The following PDP1 variants were observed in gnomAD, a reference collection of about 807,000 sequenced individuals.
PDP1 encodes pyruvate dehydrogenase phosphatase catalytic subunit 1.
A neutral mutation model predicts 37.1 loss-of-function variants in PDP1; 14 were observed. That is an observed-to-expected ratio of 0.38 (90% CI 0.25 to 0.59). PDP1 has a LOEUF of 0.59. PDP1 is among the 20% of genes least tolerant of loss of function. The probability of loss-of-function intolerance (pLI) is 0.67; values close to 1 mark genes in which losing one functional copy is unlikely to be tolerated. For missense variants in PDP1, 544 were observed against 655.3 expected (o/e 0.83, Z 1.85); for synonymous variants, 251 against 243.3 (o/e 1.03, Z -0.29).
At position 93,925,616 on chromosome 8, in the gene PDP1, TC is replaced by T. The variant is rs1810411459; in HGVS notation, c.*1944del. On this transcript the variant is annotated 3_prime_UTR_variant, in exon 2 of 2. Coordinates refer to ENST00000297598, the MANE Select transcript of PDP1 (RefSeq NM_018444.4). ...TAGTATTATTACACAAGAAACTTGG[TC>T]TGCAGTCTGGAAGCTTGTCTGCTCT... The T allele has an allele frequency of 2.4e-5, 4 of 167,054 alleles. No homozygotes were observed. The Admixed American group carries it at 2.6e-4, about 11-fold the overall frequency. The allele number at this position is 167,054 out of a possible 1,614,324, so 10.3% of individuals were successfully genotyped here.
chr8:93,919,062 A>T, intron 1 of PDP1: 5 of 574,844 alleles, frequency 8.7e-6, no homozygotes, highest in Non-Finnish European at 1.1e-5. Context: ...AGTCAATAAA[A>T]TTCACTCTCT....
In PDP1 at chr8:93,922,554, C is replaced by T; in HGVS notation, c.495C>T (p.Val165=). The change falls in exon 2 of 2, where the codon GTC becomes GTT. Residue 165 remains valine, a synonymous_variant. Transcript: ENST00000297598. The surrounding 1 kb of genome is among the most constrained non-coding windows in gnomAD (Gnocchi z 4.0). ...VSERLFYYIA[V]SLLPHETLLE... is the part of the protein sequence containing the mutation. ...AAAGACTCTTTTATTATATTGCTGT[C>T]TCTTTGTTACCCCATGAGACTTTGC... 1.2e-6 allele frequency: 2 copies of T among 1,613,966 alleles called. No individual in the cohort carries two copies. The highest frequency in any genetic ancestry group is 1.1e-5 in the South Asian group (1 of 91,076).
chr8:93,919,057 A>G (rs1032962122), intron 1 of PDP1: 14 of 553,892 alleles, frequency 2.5e-5, no homozygotes, highest in Admixed American at 1.9e-4. Flanking sequence ...GATAGAGTCA[A>G]TAAAATTCAC....
Position 93,923,563 on chromosome 8 carries a change from A to G in PDP1, c.1504A>G (p.Lys502Glu), listed in dbSNP as rs1034983010. ...GACTGTTGATCATGAGCGCCTCTCT[A>G]AAATGCTTAGTCTTCCTGAAGAGCT... ...FGTVDHERLS[K>E]MLSLPEELAR... Residue 502 changes from lysine (K) to glutamate (E), a missense_variant, in exon 2 of 2, where the codon AAA becomes GAA. Coordinates refer to ENST00000297598, the MANE Select transcript of PDP1 (RefSeq NM_018444.4). The surrounding 1 kb of genome is among the most constrained non-coding windows in gnomAD (Gnocchi z 4.3). 35 of 1,613,218 alleles carry G rather than the reference A, an allele frequency of 2.2e-5. No individual in the cohort carries two copies. Among genetic ancestry groups the G allele is most frequent in the Non-Finnish European group, 2.8e-5 (33 of 1,179,284 alleles).
In PDP1 at chr8:93,923,305, G is replaced by A. The variant is rs1810341326; in HGVS notation, c.1246G>A (p.Ala416Thr). ...GCCACAGGATAAGTTTCTGGTGTTG[G>A]CTACTGATGGGTTGTGGGAGACTAT... ...LRPQDKFLVL[A>T]TDGLWETMHR... The change falls in exon 2 of 2, where the codon GCT becomes ACT. Residue 416 changes from alanine to threonine, a missense_variant. Physicochemically the swap from Ala to Thr is moderately conservative, Grantham distance 58. Coordinates refer to ENST00000297598, the MANE Select transcript of PDP1 (RefSeq NM_018444.4). This position sits in a 1 kb window ranked among gnomAD's most constrained non-coding sequence, Gnocchi z 4.3. 1 of 1,614,034 alleles carries A rather than the reference G, an allele frequency of 6.2e-7. No homozygotes were observed. Among genetic ancestry groups the A allele is most frequent in the Non-Finnish European group, 8.5e-7 (1 of 1,180,018 alleles).
chr8:93,923,517 T>A lies in PDP1; in HGVS notation c.1458T>A (p.Ala486=). The part of the protein sequence containing the change: ...QNAATHLIRH[A]VGNNEFGTVD... ...CAGCAACCCATCTCATTCGCCACGC[T>A]GTGGGCAACAACGAGTTTGGGACTG... is the stretch of plus-strand genomic sequence containing the variant. Residue 486 remains alanine (A), a synonymous_variant, in exon 2 of 2, where the codon GCT becomes GCA. Coordinates refer to ENST00000297598, the MANE Select transcript of PDP1 (RefSeq NM_018444.4). This position sits in a 1 kb window ranked among gnomAD's most constrained non-coding sequence, Gnocchi z 4.3. 6.2e-7 allele frequency: 1 copy of A among 1,607,606 alleles called. No homozygotes were observed. The highest frequency in any genetic ancestry group is 8.5e-7 in the Non-Finnish European group (1 of 1,174,388).
intron 1 of PDP1, chr8:93,917,788 C>T: frequency 6.3e-7 from 1 of 1,575,088 alleles, no homozygotes; most frequent in Middle Eastern, 1.7e-4. Flanking sequence ...CCTCCGCTCC[C>T]GCCTCCCCGC....
chr8:93,923,531 A>G lies in PDP1; in HGVS notation c.1472A>G (p.Glu491Gly). 6.2e-7 allele frequency: 1 copy of G among 1,608,644 alleles called. No individual in the cohort carries two copies. Among genetic ancestry groups the G allele is most frequent in the South Asian group, 1.1e-5 (1 of 90,988 alleles). Residue 491 changes from glutamate to glycine, a missense_variant, in exon 2 of 2, where the codon GAG becomes GGG. Around this residue, in one of 5 missense-constraint regions of PDP1, gnomAD observed 159 missense variants for 165.5 expected, o/e 0.96. Coordinates refer to ENST00000297598, the MANE Select transcript of PDP1 (RefSeq NM_018444.4). This position sits in a 1 kb window ranked among gnomAD's most constrained non-coding sequence, Gnocchi z 4.3. ...HLIRHAVGNNEFGTVDHERLS... is the reference protein window; with the variant it reads ...HLIRHAVGNNGFGTVDHERLS... ...ATTCGCCACGCTGTGGGCAACAACGAGTTTGGGACTGTTGATCATGAGCGC... is the reference window on the plus strand; with the variant it reads ...ATTCGCCACGCTGTGGGCAACAACGGGTTTGGGACTGTTGATCATGAGCGC...
chr8:93,920,742 T>C (rs1165817260), intron 1 of PDP1: 7 of 868,836 alleles, frequency 8.1e-6, no homozygotes, highest in Non-Finnish European at 9.7e-6. Flanking sequence ...TTTTTTTTAA[T>C]GTGAGAGAAA....
At chr8:93,917,732 C>A in intron 1 of PDP1, 2 of 1,332,584 alleles carry the variant, frequency 1.5e-6, no homozygotes, top group East Asian at 2.5e-5. Context: ...CCTCTTCCCC[C>A]CCACCTCCCA....
At chr8:93,918,602 T>C (rs1437663766) in intron 1 of PDP1, among the ~76,000 whole-genome samples, 1 of 150,884 alleles carries the variant, frequency 6.6e-6, no homozygotes, top group African/African-American at 2.4e-5. Flanking sequence ...GTCTAGATCA[T>C]GGAATAGGAA....
rs1481742088 is a variant in PDP1 at position 93,916,975 on chromosome 8, G to A, written c.-149G>A. The stretch of plus-strand genomic sequence containing the variant: ...GTGGGCAGGCCGGGGGTGAGGGCTC[G>A]CGCTCCGGGAGCTGCACGGGGCTGC... On this transcript the variant is annotated 5_prime_UTR_variant, in exon 1 of 2. Transcript: ENST00000297598. 1 of 464,226 alleles carries A rather than the reference G, an allele frequency of 2.2e-6. No individual in the cohort carries two copies. Among genetic ancestry groups the A allele is most frequent in the Admixed American group, 2.2e-5 (1 of 44,670 alleles). The allele number at this position is 464,226 out of a possible 1,614,324, so 28.8% of individuals were successfully genotyped here.
intron 1 of PDP1, chr8:93,918,899 T>C (rs1246596660): frequency 1.3e-5 from 2 of 152,248 alleles, no homozygotes; most frequent in African/African-American, 4.8e-5. Context: ...GTATCACTTG[T>C]ACCGATGCGG....
chr8:93,923,610 C>T lies in PDP1; in HGVS notation c.1551C>T (p.Asp517=). The T allele has an allele frequency of 6.2e-7, 1 of 1,614,110 alleles. No homozygotes were observed. Among genetic ancestry groups the T allele is most frequent in the Non-Finnish European group, 8.5e-7 (1 of 1,180,024 alleles). ...PEELARMYRD[D]ITIIVVQFNS... ...AGCTTGCTCGAATGTACAGAGATGACATTACAATCATTGTAGTTCAGTTCA... is the reference window on the plus strand; with the variant it reads ...AGCTTGCTCGAATGTACAGAGATGATATTACAATCATTGTAGTTCAGTTCA... The change falls in exon 2 of 2, where the codon GAC becomes GAT. Residue 517 remains aspartate (D), a synonymous_variant. Transcript: ENST00000297598. The surrounding 1 kb of genome is among the most constrained non-coding windows in gnomAD (Gnocchi z 4.3).
At chr8:93,918,251 G>A (rs572364498) in intron 1 of PDP1, among the ~76,000 whole-genome samples, 22 of 152,252 alleles carry the variant, frequency 1.4e-4, no homozygotes, top group African/African-American at 4.6e-4. Context: ...GAAAAATCGC[G>A]GATGGTCTTT....
In PDP1 at chr8:93,922,987, C is replaced by T; in HGVS notation, c.928C>T (p.Leu310=). ...GGACGGCTCATGGTCAGCAGTCACG[C>T]TGTCTAATGACCACAATGCTCAAAA... ...EEDGSWSAVT[L]SNDHNAQNER... The change falls in exon 2 of 2, where the codon CTG becomes TTG. Residue 310 remains leucine, a synonymous_variant. Coordinates refer to ENST00000297598, the MANE Select transcript of PDP1 (RefSeq NM_018444.4). The surrounding 1 kb of genome is among the most constrained non-coding windows in gnomAD (Gnocchi z 4.0). The T allele has an allele frequency of 6.2e-7, 1 of 1,614,156 alleles. No individual in the cohort carries two copies. The highest frequency in any genetic ancestry group is 8.5e-7 in the Non-Finnish European group (1 of 1,180,032).
rs374772107 is a variant in PDP1 at position 93,922,009 on chromosome 8, T to C, written c.-44-7T>C. On this transcript the variant is annotated splice_region_variant and splice_polypyrimidine_tract_variant and intron_variant, in intron 1 of 1. Coordinates refer to ENST00000297598, the MANE Select transcript of PDP1 (RefSeq NM_018444.4). This position sits in a 1 kb window ranked among gnomAD's most constrained non-coding sequence, Gnocchi z 4.0. The stretch of plus-strand genomic sequence containing the variant: ...CTTTGTGTACATCTGTCTAATTTGC[T>C]GTCTAGGAATCCCAGTCAGAAGTTC... 37 of 1,564,400 alleles carry C rather than the reference T, an allele frequency of 2.4e-5. No individual in the cohort carries two copies. The highest frequency in any genetic ancestry group is 3.1e-5 in the Non-Finnish European group (36 of 1,149,474).
intron 1 of PDP1, among the ~76,000 whole-genome samples, chr8:93,917,568 T>A (rs1810112243): frequency 6.6e-6 from 1 of 152,144 alleles, no homozygotes; most frequent in Middle Eastern, 3.4e-3. Context: ...GTCCATGGGC[T>A]TCGCGCCCCG....
In PDP1 at chr8:93,923,423, T is replaced by G; in HGVS notation, c.1364T>G (p.Leu455Arg). Residue 455 changes from leucine to arginine, a missense_variant, in exon 2 of 2, where the codon CTG (leucine) becomes CGG (arginine). Coordinates refer to ENST00000297598, the MANE Select transcript of PDP1 (RefSeq NM_018444.4). This position sits in a 1 kb window ranked among gnomAD's most constrained non-coding sequence, Gnocchi z 4.3. The stretch of plus-strand genomic sequence containing the variant: ...GCTGTTGGTGGCTACAAGGTGACTC[T>G]GGGACAGATGCATGGCCTTTTAACA... ...PIAVGGYKVT[L>R]GQMHGLLTER... The G allele has an allele frequency of 1.2e-6, 2 of 1,601,938 alleles. No homozygotes were observed. Among genetic ancestry groups the G allele is most frequent in the Non-Finnish European group, 1.7e-6 (2 of 1,172,568 alleles).
Sources: gnomAD v4.1 joint callset for allele counts (sites outside exome capture counted in the v4.1 genomes callset) on GRCh38, gnomAD v4.1.1 for gene constraint, gnomAD v4.1.1 regional missense constraint, Gnocchi (gnomAD v3.1) non-coding constraint, MANE v1.5 for transcripts, NCBI Gene and HGNC (gene_info 2026-07-23, HGNC 2026-07-21) for gene names.